The following ADAMTS17 variants were observed in gnomAD, a reference collection of about 807,000 sequenced individuals.
ADAMTS17 encodes the protein ADAM metallopeptidase with thrombospondin type 1 motif 17.
A neutral mutation model predicts 141.5 loss-of-function variants in ADAMTS17; 113 were observed. That is an observed-to-expected ratio of 0.80 (90% confidence interval 0.69 to 0.93). The LOEUF is 0.93. Among genes scored for constraint, ADAMTS17 ranks in the 40% least tolerant of loss-of-function variants. The pLI is 0.00. For synonymous variants in ADAMTS17, 768 were observed against 630.6 expected (o/e 1.22, Z -3.27); for missense variants, 1,659 against 1,517.9 (o/e 1.09, Z -1.54).
At chr15:100,308,057 C>A (rs1250547818) in intron 3 of ADAMTS17, among the ~76,000 whole-genome samples, 2 of 152,188 alleles carry the variant, frequency 1.3e-5, no homozygotes, top group African/African-American at 4.8e-5. Context: ...ACGGTAAGCT[C>A]ATCTACTTCA....
chr15:100,317,767 G>T (rs1162199394), intron 3 of ADAMTS17, among the ~76,000 whole-genome samples: 1 of 152,194 alleles, frequency 6.6e-6, no homozygotes, highest in Non-Finnish European at 1.5e-5. Context: ...TCATGTTATG[G>T]TGACAAGGTA....
intron 7 of ADAMTS17, among the ~76,000 whole-genome samples, chr15:100,213,360 G>C (rs536252530): frequency 6.6e-6 from 1 of 151,994 alleles, no homozygotes; most frequent in South Asian, 2.1e-4. Context: ...TTTGTTGATG[G>C]TGTTCTCCAT....
chr15:100,174,921 T>C (rs2040282855), intron 8 of ADAMTS17, among the ~76,000 whole-genome samples: 1 of 152,092 alleles, frequency 6.6e-6, no homozygotes, highest in African/African-American at 2.4e-5. Context: ...AAGGAAAAGG[T>C]GTTCCATACA....
At chr15:100,038,177 T>G (rs939103521) in intron 18 of ADAMTS17, among the ~76,000 whole-genome samples, 4 of 152,258 alleles carry the variant, frequency 2.6e-5, no homozygotes, top group African/African-American at 9.6e-5. Flanking sequence ...CAGTTGACAG[T>G]AACTGTGAAG....
rs112773530 is a variant in ADAMTS17 at position 100,070,599 on chromosome 15, T to C, written c.2138-16545A>G. Among the ~76,000 whole-genome samples the C allele has an allele frequency of 1.0e-4, 15 of 149,660 alleles. 1 individual carries two copies. The highest frequency in any genetic ancestry group is 4.2e-4 in the South Asian group (2 of 4,726). ...CAGGATTAAGAAACTCACTCAAAAC[T>C]GCTCAACTACATGGAAACTGAACAA... On this transcript the variant is annotated intron_variant, in intron 15 of 21. Transcript: ENST00000268070.
intron 15 of ADAMTS17, among the ~76,000 whole-genome samples, chr15:100,086,073 C>T (rs2035080215): frequency 6.6e-6 from 1 of 151,524 alleles, no homozygotes; most frequent in African/African-American, 2.4e-5. Flanking sequence ...AGAGTCAAGA[C>T]CCATCAGTGT....
intron 7 of ADAMTS17, among the ~76,000 whole-genome samples, chr15:100,222,244 G>T (rs115256330): frequency 6.6e-6 from 1 of 152,156 alleles, no homozygotes; most frequent in Non-Finnish European, 1.5e-5. Flanking sequence ...GGTAAGCACC[G>T]AGGAGGTGCC....
At chr15:100,069,440 G>T (rs1289139775) in intron 15 of ADAMTS17, among the ~76,000 whole-genome samples, 3 of 152,112 alleles carry the variant, frequency 2.0e-5, no homozygotes, top group Non-Finnish European at 4.4e-5. Flanking sequence ...ACACATAATT[G>T]TCAGATTCAC....
rs1314577568 is a variant in ADAMTS17, at chr15:100,097,956, G to A, written c.2017-1480C>T. Among the ~76,000 whole-genome samples the A allele has an allele frequency of 2.6e-5, 4 of 152,318 alleles. No individual in the cohort carries two copies. In the East Asian group the frequency reaches 7.7e-4, roughly 29 times the overall value. The stretch of plus-strand genomic sequence containing the variant: ...ATAGCATAACTGGACAGATTCCAGA[G>A]AAGACTTTTAGATGTTCTAAAAGCT... On this transcript the variant is annotated intron_variant, in intron 14 of 21. Coordinates refer to ENST00000268070, the MANE Select transcript of ADAMTS17 (RefSeq NM_139057.4).
intron 14 of ADAMTS17, among the ~76,000 whole-genome samples, chr15:100,107,726 ATG>A: frequency 6.6e-6 from 1 of 152,260 alleles, no homozygotes; most frequent in East Asian, 1.9e-4. Context: ...AACACTGTCT[ATG>A]ATAAGCGACC....
intron 8 of ADAMTS17, among the ~76,000 whole-genome samples, chr15:100,170,081 G>A (rs967375151): frequency 6.6e-6 from 1 of 152,094 alleles, no homozygotes; most frequent in African/African-American, 2.4e-5. Context: ...GAAGCGTGAT[G>A]TGACTGGCAC....
At chr15:100,140,764 T>C (rs946619958) in intron 10 of ADAMTS17, among the ~76,000 whole-genome samples, 1 of 151,898 alleles carries the variant, frequency 6.6e-6, no homozygotes, top group Non-Finnish European at 1.5e-5. Context: ...CAGTCCCCAA[T>C]TTCCTCTTCC....
chr15:100,186,072 G>A (rs561761430), intron 8 of ADAMTS17, among the ~76,000 whole-genome samples: 1 of 152,258 alleles, frequency 6.6e-6, no homozygotes, highest in Non-Finnish European at 1.5e-5. Flanking sequence ...AGTTGGGAAG[G>A]CCTGTGAGTT....
At chr15:100,031,129 G>A (rs1264140341) in intron 18 of ADAMTS17, among the ~76,000 whole-genome samples, 2 of 152,160 alleles carry the variant, frequency 1.3e-5, no homozygotes, top group Admixed American at 6.5e-5. Context: ...TAACTTGCCC[G>A]TGGGTTTGCA....
chr15:100,213,544 G>C (rs549271673), intron 7 of ADAMTS17, among the ~76,000 whole-genome samples: 2 of 152,194 alleles, frequency 1.3e-5, no homozygotes, highest in Non-Finnish European at 2.9e-5. Context: ...GAACAGAAAA[G>C]AGCTGTGTTA....
chr15:100,000,787 A>G (rs1220829927), intron 18 of ADAMTS17, among the ~76,000 whole-genome samples: 3 of 152,242 alleles, frequency 2.0e-5, no homozygotes, highest in Non-Finnish European at 4.4e-5. Context: ...TGCTGGGATT[A>G]CAGGTGTGAG....
chr15:100,242,823 G>C (rs908584858), intron 7 of ADAMTS17, among the ~76,000 whole-genome samples: 1 of 152,286 alleles, frequency 6.6e-6, no homozygotes, highest in African/African-American at 2.4e-5. Flanking sequence ...ATTATGTAAA[G>C]TATACATAAC....
At chr15:100,217,267 C>T (rs76928069) in intron 7 of ADAMTS17, among the ~76,000 whole-genome samples, 19,550 of 152,188 alleles carry the variant, frequency 0.13, 1,694 homozygotes, top group Non-Finnish European at 0.2. Flanking sequence ...ATTTAGACCC[C>T]TACTTCGCAT....
intron 20 of ADAMTS17, among the ~76,000 whole-genome samples, chr15:99,992,409 G>T (rs1383482107): frequency 6.6e-6 from 1 of 152,166 alleles, no homozygotes; most frequent in Non-Finnish European, 1.5e-5. Flanking sequence ...CCACTAGAAG[G>T]TTCTTACAGG....
Sources: gnomAD v4.1 joint callset for allele counts (sites outside exome capture counted in the v4.1 genomes callset) on GRCh38, gnomAD v4.1.1 for gene constraint, MANE v1.5 for transcripts, NCBI Gene and HGNC (gene_info 2026-07-23, HGNC 2026-07-21) for gene names.